PCSK2: variants seen among roughly 807,000 people sequenced by gnomAD.
The protein encoded by PCSK2 is neuroendocrine convertase 2.
Under a neutral mutation model 69.7 loss-of-function variants are expected in PCSK2, and 14 were observed. The observed-to-expected ratio is 0.20, with a 90% CI of 0.13 to 0.31. PCSK2 has a LOEUF of 0.31. PCSK2 is among the 10% of genes least tolerant of loss of function. The pLI is 1.00. For missense variants in PCSK2, 544 were observed against 842.5 expected, an observed-to-expected ratio of 0.65 and a Z score of 4.39; for synonymous variants, 307 against 320.7, an observed-to-expected ratio of 0.96 and a Z score of 0.46.
chr20:17,328,812 C>T (rs141048714), intron 2 of PCSK2, among the ~76,000 whole-genome samples: 2 of 152,288 alleles, frequency 1.3e-5, no homozygotes, highest in Admixed American at 1.3e-4. Context: ...AGCAAAATCA[C>T]TTGGATTTCT....
chr20:17,282,059 A>C (rs1988336576), intron 2 of PCSK2, among the ~76,000 whole-genome samples: 2 of 151,930 alleles, frequency 1.3e-5, no homozygotes, highest in Admixed American at 6.6e-5. Context: ...GTCTGACTCC[A>C]CCTTTCAGGA....
chr20:17,331,109 C>T (rs940857746), intron 2 of PCSK2, among the ~76,000 whole-genome samples: 4 of 152,132 alleles, frequency 2.6e-5, no homozygotes, highest in Non-Finnish European at 4.4e-5. Flanking sequence ...AAAAGGTAAG[C>T]ACCCAAAGAA....
rs182834752 is a variant in PCSK2 at position 17,292,270 on chromosome 20, T to G, written c.282+31926T>G. On this transcript the variant is annotated intron_variant, in intron 2 of 11. Transcript: ENST00000262545. ...AATTCATTTTGCATTTATTTTAGTATGTAGTATTTTAAAGCATTTTTTCTT... is the reference window on the plus strand; with the variant it reads ...AATTCATTTTGCATTTATTTTAGTAGGTAGTATTTTAAAGCATTTTTTCTT... Among the ~76,000 whole-genome samples, 521 of 152,320 alleles carry G rather than the reference T, an allele frequency of 3.4e-3. 2 individuals carry two copies. Among genetic ancestry groups the G allele is most frequent in the Middle Eastern group, 0.017 (5 of 294 alleles).
intron 10 of PCSK2, 102 bp from the exon 11 acceptor site, chr20:17,465,224 G>A: frequency 1.2e-6 from 1 of 829,802 alleles, no homozygotes; most frequent in Non-Finnish European, 2.0e-6. Flanking sequence ...TCTTACAAGA[G>A]GTCTGTGTCC....
intron 2 of PCSK2, among the ~76,000 whole-genome samples, chr20:17,295,554 T>TATA (rs1568589442): frequency 6.8e-6 from 1 of 147,710 alleles, no homozygotes; most frequent in East Asian, 1.9e-4. Context: ...TTATATATAT[T>TATA]TATTTATTTA....
At chr20:17,416,851 G>T (rs2032010906) in intron 6 of PCSK2, among the ~76,000 whole-genome samples, 1 of 152,138 alleles carries the variant, frequency 6.6e-6, no homozygotes, top group Admixed American at 6.5e-5. Context: ...CATAAAAAAG[G>T]ATGAGTTCAT....
intron 1 of PCSK2, among the ~76,000 whole-genome samples, chr20:17,228,820 T>C: frequency 6.6e-6 from 1 of 152,094 alleles, no homozygotes; most frequent in East Asian, 1.9e-4. Flanking sequence ...TGGCGACGAG[T>C]TTGACAGAGG....
intron 2 of PCSK2, among the ~76,000 whole-genome samples, chr20:17,290,599 C>G (rs1295486975): frequency 2.0e-5 from 3 of 152,312 alleles, no homozygotes; most frequent in East Asian, 1.9e-4. Flanking sequence ...TCTCAAGAGA[C>G]AGTAGCACCT....
At position 17,433,812 on chromosome 20, in the gene PCSK2, T is replaced by TCTCTCTCTCTCTCTCTCTC. The variant is rs774361715; in HGVS notation, c.710-2895_710-2894insTCTCTCTCTCTCTCTCTCC. Among the ~76,000 whole-genome samples the TCTCTCTCTCTCTCTCTCTC allele has an allele frequency of 1.1e-3, 117 of 104,168 alleles. 8 individuals are homozygous for TCTCTCTCTCTCTCTCTCTC. The highest frequency in any genetic ancestry group is 1.9e-3 in the Non-Finnish European group (100 of 51,950). 68.3% of individuals were successfully genotyped at this position (104,168 alleles called of 152,430 possible). A position where few individuals can be genotyped will look rare whatever the true frequency, so the allele number is the denominator to read the frequency against. ...CTCTCTCTCTCTCTCTCTCTCTCTC[T>TCTCTCTCTCTCTCTCTCTC]CCCCCCACTTCCTTCCCTCCTCCTC... On this transcript the variant is annotated intron_variant, in intron 7 of 11. Transcript: ENST00000262545.
At chr20:17,435,521 C>G (rs1462225965) in intron 7 of PCSK2, among the ~76,000 whole-genome samples, 4 of 152,174 alleles carry the variant, frequency 2.6e-5, no homozygotes, top group Non-Finnish European at 4.4e-5. Flanking sequence ...TGGCAAGGAC[C>G]TGGGTGGCTT....
chr20:17,253,987 G>A (rs1779742075), intron 1 of PCSK2, among the ~76,000 whole-genome samples: 1 of 152,102 alleles, frequency 6.6e-6, no homozygotes, highest in Non-Finnish European at 1.5e-5. Flanking sequence ...ACATCTTTCT[G>A]TATGTTTATA....
intron 2 of PCSK2, among the ~76,000 whole-genome samples, chr20:17,285,960 T>C (rs1455340715): frequency 6.6e-6 from 1 of 152,230 alleles, no homozygotes; most frequent in Non-Finnish European, 1.5e-5. Flanking sequence ...TAACCCTAAC[T>C]ACAGAGTTAC....
intron 5 of PCSK2, among the ~76,000 whole-genome samples, chr20:17,396,777 T>C (rs1009025412): frequency 2.0e-5 from 3 of 152,204 alleles, no homozygotes; most frequent in African/African-American, 7.2e-5. Flanking sequence ...CCACCATGCC[T>C]GGTTAATATT....
chr20:17,296,765 A>G (rs1988907993), intron 2 of PCSK2, among the ~76,000 whole-genome samples: 1 of 152,218 alleles, frequency 6.6e-6, no homozygotes, highest in Non-Finnish European at 1.5e-5. Flanking sequence ...TTCTTGGTGA[A>G]GTCACTTCAA....
intron 8 of PCSK2, among the ~76,000 whole-genome samples, chr20:17,446,657 T>G (rs1483916500): frequency 6.6e-6 from 1 of 152,214 alleles, no homozygotes; most frequent in Non-Finnish European, 1.5e-5. Context: ...TGTTTGTGAA[T>G]AGTTTGAATA....
intron 8 of PCSK2, among the ~76,000 whole-genome samples, chr20:17,442,862 A>G (rs2123362320): frequency 6.6e-6 from 1 of 152,292 alleles, no homozygotes; most frequent in Admixed American, 6.5e-5. Flanking sequence ...CCCTTAAATT[A>G]TAGCACTTAC....
intron 1 of PCSK2, among the ~76,000 whole-genome samples, chr20:17,229,750 T>A (rs569848755): frequency 6.6e-6 from 1 of 152,132 alleles, no homozygotes; most frequent in Non-Finnish European, 1.5e-5. Context: ...AACATCTGCC[T>A]AGAATAAACC....
intron 2 of PCSK2, among the ~76,000 whole-genome samples, chr20:17,299,420 T>C (rs1448579518): frequency 1.3e-5 from 2 of 152,198 alleles, no homozygotes; most frequent in Non-Finnish European, 2.9e-5. Flanking sequence ...GGCTGTATAA[T>C]GTTTTTATAT....
At chr20:17,329,815 A>C (rs1284251991) in intron 2 of PCSK2, among the ~76,000 whole-genome samples, 1 of 152,220 alleles carries the variant, frequency 6.6e-6, no homozygotes, top group African/African-American at 2.4e-5. Flanking sequence ...AGTGTGGAAA[A>C]TTCAAGAAGT....
Sources: gnomAD v4.1 joint callset for allele counts (sites outside exome capture counted in the v4.1 genomes callset) on GRCh38, gnomAD v4.1.1 for gene constraint, MANE v1.5 for transcripts, NCBI Gene and HGNC (gene_info 2026-07-23, HGNC 2026-07-21) for gene names.